CHAT: variants seen among roughly 807,000 people sequenced by gnomAD.
The protein encoded by CHAT is acetyl CoA:choline O-acetyltransferase.
In CHAT, 61 loss-of-function variants were observed where a neutral mutation model predicts 76.9. The observed-to-expected ratio is 0.79, with a 90% CI of 0.65 to 0.98. The LOEUF is 0.98. Ranked by LOEUF, CHAT falls within the 50% of genes least tolerant of loss-of-function variation. The probability of loss-of-function intolerance (pLI) is 0.00; values close to 1 mark genes in which losing one functional copy is unlikely to be tolerated. For synonymous variants in CHAT, 407 were observed against 397.4 expected (o/e 1.02, Z -0.29); for missense variants, 946 against 986.9 (o/e 0.96, Z 0.56).
intron 10 of CHAT, among the ~76,000 whole-genome samples, chr10:49,651,560 G>C (rs147291282): frequency 6.6e-6 from 1 of 152,170 alleles, no homozygotes; most frequent in East Asian, 1.9e-4. Flanking sequence ...ACAAAATCCC[G>C]GGCATGTCAC....
intron 7 of CHAT, among the ~76,000 whole-genome samples, chr10:49,628,138 G>A (rs1028030788): frequency 3.6e-4 from 54 of 151,956 alleles, no homozygotes; most frequent in Admixed American, 2.2e-3. Flanking sequence ...TGGGGGAGTC[G>A]CTGAATGGGG....
At chr10:49,635,429 A>G (rs1839263767) in intron 7 of CHAT, among the ~76,000 whole-genome samples, 1 of 152,196 alleles carries the variant, frequency 6.6e-6, no homozygotes, top group South Asian at 2.1e-4. Flanking sequence ...GTTTTCACTT[A>G]CTGGAAGAAA....
chr10:49,616,689 C>G, intron 2 of CHAT, 87 bp downstream of exon 2: 2 of 956,958 alleles, frequency 2.1e-6, no homozygotes, highest in Middle Eastern at 4.2e-4. Context: ...GGGACTGGCC[C>G]CCAGCATTTG....
intron 7 of CHAT, among the ~76,000 whole-genome samples, chr10:49,636,702 T>A (rs1407479479): frequency 1.3e-5 from 2 of 152,202 alleles, no homozygotes; most frequent in African/African-American, 4.8e-5. Flanking sequence ...CCTTAACTCA[T>A]TTATGCCTAG....
chr10:49,658,172 A>C (rs940324426), intron 13 of CHAT, among the ~76,000 whole-genome samples: 1 of 152,048 alleles, frequency 6.6e-6, no homozygotes, highest in Non-Finnish European at 1.5e-5. Context: ...ACCTGAGGTC[A>C]GGAGATCGAG....
chr10:49,623,208 G>C lies in CHAT; in HGVS notation c.752+1058G>C, dbSNP rs769461500. 2.0e-4 allele frequency among the ~76,000 whole-genome samples: 30 copies of C among 152,238 alleles called. No homozygotes were observed. The South Asian group carries it at 2.3e-3, about 12-fold the overall frequency. On this transcript the variant is annotated intron_variant, in intron 5 of 14. Transcript: ENST00000337653. ...ACTCGCCCCTCCAGCTCACCGTCCT[G>C]TCTGTTTTCAAACACCATTGTCTTG...
At chr10:49,635,820 T>C (rs1360602628) in intron 7 of CHAT, among the ~76,000 whole-genome samples, 1 of 152,164 alleles carries the variant, frequency 6.6e-6, no homozygotes, top group African/African-American at 2.4e-5. Context: ...ATAGCTAACA[T>C]CTTATTTAAA....
rs1032582265 is a variant in CHAT, at chr10:49,666,466, G to A, written c.*1420G>A. 3.9e-5 allele frequency among the ~76,000 whole-genome samples: 6 copies of A among 152,212 alleles called. No individual in the cohort carries two copies. Among genetic ancestry groups the A allele is most frequent in the South Asian group, 2.1e-4 (1 of 4,828 alleles). ...CAGAGAAATCTACAGCATAGAGCCC[G>A]TGTGTTCTGCTCCACATCCCTCCAA... On this transcript the variant is annotated 3_prime_UTR_variant, in exon 15 of 15. Coordinates refer to ENST00000337653, the MANE Select transcript of CHAT (RefSeq NM_020549.5).
In CHAT at chr10:49,662,733, T is replaced by TG; in HGVS notation, c.1930dup (p.Asp644GlyfsTer2). 1 of 1,614,196 alleles carries TG rather than the reference T, an allele frequency of 6.2e-7. No individual in the cohort carries two copies. The highest frequency in any genetic ancestry group is 8.5e-7 in the Non-Finnish European group (1 of 1,180,042). On this transcript the variant is annotated frameshift_variant, in exon 14 of 15. Coordinates refer to ENST00000337653, the MANE Select transcript of CHAT (RefSeq NM_020549.5). LOFTEE classifies it high-confidence loss of function. ...TGCAAGGAGCTGCCCGAGATGTTCA[T>TG]GGATGAAACCTACCTGATGAGCAAC...
At chr10:49,611,317 G>T, upstream of CHAT, 1 of 1,605,142 alleles carries the variant, frequency 6.2e-7, no homozygotes, top group Non-Finnish European at 8.5e-7. Context: ...AGCCTTCGCC[G>T]ACACGTCTGG....
chr10:49,664,507 C>G (rs868441317), intron 14 of CHAT, among the ~76,000 whole-genome samples: 29 of 152,212 alleles, frequency 1.9e-4, no homozygotes, highest in Admixed American at 7.2e-4. Context: ...CAGCCCAAGA[C>G]CTAGCACCAG....
In CHAT at chr10:49,619,664, T is replaced by C. The variant is rs887529714; in HGVS notation, c.388-61T>C. On this transcript the variant is annotated intron_variant, in intron 2 of 14. Coordinates refer to ENST00000337653, the MANE Select transcript of CHAT (RefSeq NM_020549.5). ...AACAATACAGATACTAGGGACCAAC[T>C]TGGGGACAGGCATGGGGCGCACATA... 3.6e-5 allele frequency: 56 copies of C among 1,541,594 alleles called. 1 individual carries two copies. Among genetic ancestry groups the C allele is most frequent in the East Asian group, 2.0e-4 (9 of 44,420 alleles).
Position 49,614,260 on chromosome 10 carries a change from G to C in CHAT, c.71G>C (p.Gly24Ala). 5.2e-6 allele frequency: 8 copies of C among 1,547,766 alleles called. No individual in the cohort carries two copies. Among genetic ancestry groups the C allele is most frequent in the Non-Finnish European group, 7.0e-6 (8 of 1,145,922 alleles). The change falls in exon 1 of 15, where the codon GGT (glycine) becomes GCT (alanine). Residue 24 changes from glycine (G) to alanine (A), a missense_variant. Coordinates refer to ENST00000337653, the MANE Select transcript of CHAT (RefSeq NM_020549.5). ...AAATGGAAGAGAGAGGAGGGAGGAG[G>C]TACAAGAGGAAGGAGAGAAGTGCGG... ...GGKWKREEGG[G>A]TRGRREVRPA...
upstream of CHAT, chr10:49,611,029 A>T: frequency 6.2e-7 from 1 of 1,613,812 alleles, no homozygotes; most frequent in Non-Finnish European, 8.5e-7. Flanking sequence ...CACGGCCAAC[A>T]CCTCGGCGTC....
rs757303526 is a variant in CHAT at position 49,655,123 on chromosome 10, G to A, written c.1663G>A (p.Glu555Lys). The A allele has an allele frequency of 4.3e-5, 69 of 1,613,908 alleles. No homozygotes were observed. Among genetic ancestry groups the A allele is most frequent in the Non-Finnish European group, 5.4e-5 (64 of 1,179,998 alleles). The stretch of plus-strand genomic sequence containing the variant: ...CCATCGAAGACTGGTGCCCACCTAC[G>A]AGAGCGCGTCCATCCGCCGATTCCA... ...RLHRRLVPTYESASIRRFQEG... is the reference protein window; with the variant it reads ...RLHRRLVPTYKSASIRRFQEG... The change falls in exon 12 of 15, where the codon GAG (glutamate) becomes AAG (lysine). Residue 555 changes from glutamate to lysine, a missense_variant. Glu to Lys is a moderately conservative substitution (Grantham distance 56). Around this residue, in one of 3 missense-constraint regions of CHAT, gnomAD observed 349 missense variants for 393.9 expected, o/e 0.89. Coordinates refer to ENST00000337653, the MANE Select transcript of CHAT (RefSeq NM_020549.5).
rs1410791820 is a variant in CHAT at position 49,614,366 on chromosome 10, C to T, written c.177C>T (p.Pro59=). ...GGPAGNPGCS[P]HPRAATRPPP... Reference sequence around the variant, plus strand: ...CTGCCGGGAACCCAGGCTGCAGCCCCCACCCCCGCGCTGCGACACGCCCCC... The same window carrying T: ...CTGCCGGGAACCCAGGCTGCAGCCCTCACCCCCGCGCTGCGACACGCCCCC... The change falls in exon 1 of 15, where the codon CCC becomes CCT. Residue 59 remains proline, a synonymous_variant. Coordinates refer to ENST00000337653, the MANE Select transcript of CHAT (RefSeq NM_020549.5). 6.5e-6 allele frequency: 10 copies of T among 1,544,860 alleles called. No individual in the cohort carries two copies. The highest frequency in any genetic ancestry group is 7.9e-6 in the Non-Finnish European group (9 of 1,144,642).
At chr10:49,653,746 C>T (rs1181355026) in intron 11 of CHAT, among the ~76,000 whole-genome samples, 1 of 152,238 alleles carries the variant, frequency 6.6e-6, no homozygotes, top group Admixed American at 6.5e-5. Flanking sequence ...CCTTCTGATA[C>T]TCAGAGGGCA....
intron 10 of CHAT, among the ~76,000 whole-genome samples, chr10:49,651,228 T>C (rs1839866059): frequency 6.6e-6 from 1 of 151,686 alleles, no homozygotes; most frequent in African/African-American, 2.4e-5. Flanking sequence ...GAACTGGGTC[T>C]CCTCCAAGTC....
chr10:49,632,968 C>G (rs964362817), intron 7 of CHAT, among the ~76,000 whole-genome samples: 1 of 152,208 alleles, frequency 6.6e-6, no homozygotes, highest in Admixed American at 6.5e-5. Flanking sequence ...CGAAGGTGGC[C>G]TGATCATCCA....
Sources: allele counts gnomAD v4.1 joint callset (sites outside exome capture counted in the v4.1 genomes callset), GRCh38; gene constraint gnomAD v4.1.1; regional missense constraint gnomAD v4.1.1; transcripts MANE v1.5; gene names NCBI Gene and HGNC (gene_info 2026-07-23, HGNC 2026-07-21).